RET: variants seen among roughly 807,000 people sequenced by gnomAD.
The protein encoded by RET is proto-oncogene tyrosine-protein kinase receptor Ret.
RET carries 19 observed loss-of-function variants against 118.3 expected under a neutral mutation model. That is an observed-to-expected ratio of 0.16 (90% CI 0.11 to 0.24). RET has a LOEUF of 0.24. Among genes scored for constraint, RET ranks in the 10% least tolerant of loss-of-function variants. RET has a pLI of 1.00. For synonymous variants in RET, 597 were observed against 644.1 expected (o/e 0.93, Z 1.11); for missense variants, 1,219 against 1,502.1 (o/e 0.81, Z 3.12).
intron 1 of RET, among the ~76,000 whole-genome samples, chr10:43,079,020 C>G (rs1045977551): frequency 1.3e-5 from 2 of 152,230 alleles, no homozygotes; most frequent in Non-Finnish European, 2.9e-5. Context: ...ACTCTTGGAG[C>G]TGCCAAGGAC....
intron 17 of RET, 73 bp downstream of exon 17, chr10:43,123,881 C>A: frequency 6.2e-7 from 1 of 1,605,242 alleles, no homozygotes; most frequent in Non-Finnish European, 8.5e-7. Context: ...CCCTCCCCAT[C>A]CAGAGCAGCC....
At chr10:43,107,009 T>C (rs1258377714) in intron 5 of RET, among the ~76,000 whole-genome samples, 2 of 152,200 alleles carry the variant, frequency 1.3e-5, no homozygotes, top group African/African-American at 4.8e-5. Flanking sequence ...CCGAGCCAGG[T>C]CAGGGCTTCT....
At chr10:43,118,319 T>C (rs549734254) in intron 12 of RET, 54 bp from the exon 13 acceptor site, 44 of 1,429,480 alleles carry the variant, frequency 3.1e-5, no homozygotes, top group African/African-American at 2.1e-4. Context: ...GGTATGGTCA[T>C]GGAAGGGGCT....
chr10:43,101,893 C>T (rs912633476), intron 2 of RET, among the ~76,000 whole-genome samples: 5 of 152,246 alleles, frequency 3.3e-5, no homozygotes, highest in African/African-American at 7.2e-5. Flanking sequence ...GGAAAGCCCT[C>T]GCAGCCCAGC....
At chr10:43,118,303 T>C in intron 12 of RET, 70 bp from the exon 13 acceptor site, 1 of 1,237,464 alleles carries the variant, frequency 8.1e-7, no homozygotes, top group Non-Finnish European at 1.2e-6. Context: ...AGGTCCATCC[T>C]GACCTGGTAT....
chr10:43,093,767 G>A (rs1215040258), intron 1 of RET, among the ~76,000 whole-genome samples: 1 of 150,590 alleles, frequency 6.6e-6, no homozygotes, highest in Non-Finnish European at 1.5e-5. Context: ...GAGGCTGAAA[G>A]ACGGGAGCCA....
In RET at chr10:43,128,302, G is replaced by A. The variant is rs1838379496; in HGVS notation, c.*33G>A. The A allele has an allele frequency of 6.2e-7, 1 of 1,612,630 alleles. No homozygotes were observed. The highest frequency in any genetic ancestry group is 8.5e-7 in the Non-Finnish European group (1 of 1,178,624). Reference sequence around the variant, plus strand: ...TTGTGAAAGGTAATGGACTCACAAGGGGAAGAAACATGCTGAGAATGGAAA... The same window carrying A: ...TTGTGAAAGGTAATGGACTCACAAGAGGAAGAAACATGCTGAGAATGGAAA... On this transcript the variant is annotated 3_prime_UTR_variant, in exon 20 of 20. Coordinates refer to ENST00000355710, the MANE Select transcript of RET (RefSeq NM_020975.6).
At chr10:43,082,452 G>A (rs1408909816) in intron 1 of RET, among the ~76,000 whole-genome samples, 1 of 152,220 alleles carries the variant, frequency 6.6e-6, no homozygotes, top group Non-Finnish European at 1.5e-5. Flanking sequence ...GTGGACCAGC[G>A]GGCATAGGCT....
At chr10:43,105,867 G>A (rs1388030502) in intron 4 of RET, among the ~76,000 whole-genome samples, 1 of 69,946 alleles carries the variant, frequency 1.4e-5, no homozygotes, top group African/African-American at 8.5e-5. Context: ...AGGCCTGGTG[G>A]GCAGAGCCAT....
chr10:43,096,189 CAGGAGTGGGAGT>C (rs1039259609), intron 1 of RET, among the ~76,000 whole-genome samples: 11 of 152,170 alleles, frequency 7.2e-5, no homozygotes, highest in African/African-American at 2.4e-4. Context: ...CCCATGGTGC[CAGGAGTGGGAGT>C]GTCTGTCACC....
At chr10:43,121,326 A>C in intron 15 of RET, among the ~76,000 whole-genome samples, 1 of 152,192 alleles carries the variant, frequency 6.6e-6, no homozygotes, top group Non-Finnish European at 1.5e-5. Context: ...CACATTTTAA[A>C]AATGGACTTG....
At chr10:43,095,829 G>A (rs903408557) in intron 1 of RET, among the ~76,000 whole-genome samples, 2 of 152,230 alleles carry the variant, frequency 1.3e-5, no homozygotes, top group African/African-American at 4.8e-5. Flanking sequence ...TGGGTCTTTG[G>A]CAAGTGTGCT....
intron 11 of RET, among the ~76,000 whole-genome samples, chr10:43,115,726 T>C (rs1422225444): frequency 6.6e-6 from 1 of 152,258 alleles, no homozygotes; most frequent in African/African-American, 2.4e-5. Context: ...CTTGGACCCA[T>C]GACTCAACCT....
At chr10:43,094,618 G>T (rs942416306) in intron 1 of RET, among the ~76,000 whole-genome samples, 1 of 152,154 alleles carries the variant, frequency 6.6e-6, no homozygotes, top group Non-Finnish European at 1.5e-5. Context: ...GGTCGGCAGT[G>T]GGGGAGTGAG....
intron 1 of RET, among the ~76,000 whole-genome samples, chr10:43,081,452 C>A (rs907366596): frequency 1.3e-5 from 2 of 152,132 alleles, no homozygotes; most frequent in African/African-American, 4.8e-5. Flanking sequence ...GTCAAGGAGA[C>A]CCTGTGTAGG....
chr10:43,110,127 G>A (rs1232272563), intron 6 of RET, among the ~76,000 whole-genome samples: 1 of 152,126 alleles, frequency 6.6e-6, no homozygotes, highest in Non-Finnish European at 1.5e-5. Context: ...AGTGGGATCA[G>A]AGACAGAGGG....
At chr10:43,091,116 A>G (rs1269334841) in intron 1 of RET, among the ~76,000 whole-genome samples, 2 of 152,130 alleles carry the variant, frequency 1.3e-5, no homozygotes, top group Admixed American at 6.5e-5. Flanking sequence ...GGATCCCCCT[A>G]TAAAAACCAG....
chr10:43,077,226 TC>T lies in RET; in HGVS notation c.-30del. 1 of 1,476,464 alleles carries T rather than the reference TC, an allele frequency of 6.8e-7. No individual in the cohort carries two copies. The highest frequency in any genetic ancestry group is 9.0e-7 in the Non-Finnish European group (1 of 1,116,982). 91.5% of individuals were successfully genotyped at this position (1,476,464 alleles called of 1,614,324 possible). A position where few individuals can be genotyped will look rare whatever the true frequency, so the allele number is the denominator to read the frequency against. ...CCAGACCCGCCGGCCCTAGCCGCAG[TC>T]CCTCCAGCCGTGGCCCCAGCGCGCA... On this transcript the variant is annotated 5_prime_UTR_variant, in exon 1 of 20. Transcript: ENST00000355710.
At chr10:43,086,001 C>A (rs1037902115) in intron 1 of RET, among the ~76,000 whole-genome samples, 1 of 151,988 alleles carries the variant, frequency 6.6e-6, no homozygotes, top group Non-Finnish European at 1.5e-5. Context: ...GACCCTCAAG[C>A]CTTTTTTGTG....
Sources: allele counts gnomAD v4.1 joint callset (sites outside exome capture counted in the v4.1 genomes callset), GRCh38; gene constraint gnomAD v4.1.1; transcripts MANE v1.5; gene names NCBI Gene and HGNC (gene_info 2026-07-23, HGNC 2026-07-21).